PRKACA: variants seen among roughly 807,000 people sequenced by gnomAD.
PRKACA encodes the protein protein kinase cAMP-activated catalytic subunit alpha.
PRKACA carries 9 observed loss-of-function variants against 45.8 expected under a neutral mutation model. That is an observed-to-expected ratio of 0.20 (90% CI 0.12 to 0.34). PRKACA has a LOEUF of 0.34. PRKACA is among the 10% of genes least tolerant of loss of function. The pLI, the probability that PRKACA is intolerant of heterozygous loss-of-function variation, is 1.00. For missense variants in PRKACA, 238 were observed against 458.6 expected (o/e 0.52, Z 4.39); for synonymous variants, 160 against 178.6 (o/e 0.90, Z 0.83).
At chr19:14,093,355 C>T (rs569395810) in intron 9 of PRKACA, 118 bp from the exon 10 acceptor site, 2 of 1,362,790 alleles carry the variant, frequency 1.5e-6, no homozygotes, top group South Asian at 1.4e-5. Flanking sequence ...CCTGTGCTTA[C>T]CATTAGGTTA....
intron 4 of PRKACA, among the ~76,000 whole-genome samples, 198 bp downstream of exon 4, chr19:14,102,618 T>C (rs1412222150): frequency 1.3e-5 from 2 of 152,180 alleles, no homozygotes; most frequent in East Asian, 1.9e-4. Flanking sequence ...AACTACAAAC[T>C]GGCTGGACCA....
intron 3 of PRKACA, 37 bp from the exon 4 acceptor site, chr19:14,102,951 G>A: frequency 5.3e-6 from 8 of 1,513,894 alleles, no homozygotes; most frequent in South Asian, 1.1e-5. Flanking sequence ...AAAGGAGGGG[G>A]AGGTGAGAGG....
At chr19:14,096,205 A>AT (rs938988257) in intron 8 of PRKACA, among the ~76,000 whole-genome samples, 20 of 150,578 alleles carry the variant, frequency 1.3e-4, no homozygotes, top group African/African-American at 3.9e-4. Flanking sequence ...TACCCAGCTA[A>AT]TTTTTTTTGT....
intron 1 of PRKACA, chr19:14,108,007 C>T (rs1229552320): frequency 1.0e-6 from 1 of 985,894 alleles, no homozygotes; most frequent in Non-Finnish European, 1.2e-6. Flanking sequence ...AATGTTGAAA[C>T]TTCCCCGGCA....
chr19:14,100,024 T>C (rs938154151), intron 5 of PRKACA, among the ~76,000 whole-genome samples: 2 of 151,890 alleles, frequency 1.3e-5, no homozygotes, highest in African/African-American at 4.8e-5. Context: ...TGTATTTTTT[T>C]AGTAGAGACG....
In PRKACA at chr19:14,113,681, C is replaced by G. The variant is rs573022817; in HGVS notation, c.46+3821G>C. Among the ~76,000 whole-genome samples, 6 of 152,278 alleles carry G rather than the reference C, an allele frequency of 3.9e-5. No homozygotes were observed. The East Asian group carries it at 9.7e-4, about 25-fold the overall frequency. ...TCCTGGGAATTCTGGGGCAGGAATG[C>G]CCAGCCTGGGCTGGGCCCCCTACTC... On this transcript the variant is annotated intron_variant, in intron 1 of 9. Coordinates refer to ENST00000308677, the MANE Select transcript of PRKACA (RefSeq NM_002730.4).
At chr19:14,102,947 G>A (rs1242998412) in intron 3 of PRKACA, 33 bp from the exon 4 acceptor site, 1 of 1,555,976 alleles carries the variant, frequency 6.4e-7, no homozygotes, top group Admixed American at 1.7e-5. Flanking sequence ...GCAGAAAGGA[G>A]GGGGAGGTGA....
chr19:14,106,573 G>C (rs1010894394), intron 3 of PRKACA, among the ~76,000 whole-genome samples, 187 bp downstream of exon 3: 1 of 152,208 alleles, frequency 6.6e-6, no homozygotes, highest in Non-Finnish European at 1.5e-5. Context: ...AGAATCGCTT[G>C]AACTAGGGAG....
chr19:14,100,937 C>A (rs749451959), intron 4 of PRKACA, 29 bp from the exon 5 acceptor site: 47 of 1,604,064 alleles, frequency 2.9e-5, no homozygotes, highest in Non-Finnish European at 3.8e-5. Flanking sequence ...GGTCAAGGGC[C>A]CACCCCTGAG....
At position 14,093,046 on chromosome 19, in the gene PRKACA, T is replaced by TC; in HGVS notation, c.*65dup. Reference sequence around the variant, plus strand: ...GCCCTCTGGCTGTTCAATCCAACCCTCCCACCCCCCCGACCAAAAAAAAGA... The same window carrying TC: ...GCCCTCTGGCTGTTCAATCCAACCCTCCCCACCCCCCCGACCAAAAAAAAGA... On this transcript the variant is annotated 3_prime_UTR_variant, in exon 10 of 10. Coordinates refer to ENST00000308677, the MANE Select transcript of PRKACA (RefSeq NM_002730.4). 1.2e-5 allele frequency: 1 copy of TC among 85,304 alleles called. No homozygotes were observed. The allele number at this position is 85,304 out of a possible 1,614,324, so 5.3% of individuals were successfully genotyped here.
intron 1 of PRKACA, chr19:14,108,286 G>A (rs1325699518): frequency 2.4e-6 from 1 of 408,248 alleles, no homozygotes; most frequent in African/African-American, 2.2e-5. Flanking sequence ...TGTAAAGTGG[G>A]GTGGTTTTGA....
intron 8 of PRKACA, among the ~76,000 whole-genome samples, chr19:14,095,594 C>T (rs146407428): frequency 0.026 from 4,027 of 152,228 alleles, 89 homozygotes; most frequent in Non-Finnish European, 0.038. Flanking sequence ...TCTCGGCTCA[C>T]TACAACCTCT....
At chr19:14,099,727 G>A (rs2144448610) in intron 5 of PRKACA, among the ~76,000 whole-genome samples, 1 of 151,366 alleles carries the variant, frequency 6.6e-6, no homozygotes, top group African/African-American at 2.4e-5. Flanking sequence ...ACAGTACCCA[G>A]CCTGTATCTT....
chr19:14,095,962 G>A (rs1004333136), intron 8 of PRKACA, among the ~76,000 whole-genome samples: 6 of 147,932 alleles, frequency 4.1e-5, no homozygotes, highest in Non-Finnish European at 8.9e-5. Context: ...GGGCTCAAGC[G>A]ATCCTCCTGC....
intron 8 of PRKACA, chr19:14,096,284 G>A (rs1378343761): frequency 3.3e-5 from 5 of 151,204 alleles, no homozygotes; most frequent in African/African-American, 1.2e-4. Flanking sequence ...GACCTCAGGT[G>A]ATCTGCCCGC....
At chr19:14,104,856 A>G (rs1977557919) in intron 3 of PRKACA, among the ~76,000 whole-genome samples, 1 of 152,120 alleles carries the variant, frequency 6.6e-6, no homozygotes, top group Admixed American at 6.6e-5. Flanking sequence ...CTGGGCAACA[A>G]GAGCGAAACT....
intron 1 of PRKACA, among the ~76,000 whole-genome samples, chr19:14,109,874 G>T (rs540868640): frequency 5.1e-4 from 68 of 132,274 alleles, no homozygotes; most frequent in African/African-American, 1.9e-3. Flanking sequence ...GGAGGCAGAG[G>T]TTACAGTGAG....
chr19:14,108,947 C>G (rs1370211936), intron 1 of PRKACA, among the ~76,000 whole-genome samples: 4 of 150,032 alleles, frequency 2.7e-5, no homozygotes, highest in African/African-American at 9.8e-5. Context: ...AGGCTGGTCT[C>G]GAACTCCTGA....
At chr19:14,106,631 G>A in intron 3 of PRKACA, 129 bp downstream of exon 3, 1 of 1,326,016 alleles carries the variant, frequency 7.5e-7, no homozygotes, top group South Asian at 1.3e-5. Flanking sequence ...TCCAGCCTGA[G>A]CGACAGAGCG....
Sources: allele counts gnomAD v4.1 joint callset (sites outside exome capture counted in the v4.1 genomes callset), GRCh38; gene constraint gnomAD v4.1.1; transcripts MANE v1.5; gene names NCBI Gene and HGNC (gene_info 2026-07-23, HGNC 2026-07-21).